The following CTIF variants were observed in gnomAD, a reference collection of about 807,000 sequenced individuals.
The protein encoded by CTIF is cap binding complex dependent translation initiation factor.
Under a neutral mutation model 66.0 loss-of-function variants are expected in CTIF, and 21 were observed. The observed-to-expected ratio is 0.32, with a 90% CI of 0.23 to 0.46. The LOEUF (loss-of-function observed/expected upper bound fraction) is 0.46. Among genes scored for constraint, CTIF ranks in the 20% least tolerant of loss-of-function variants. CTIF has a pLI of 1.00. For synonymous variants in CTIF, 345 were observed against 326.4 expected, an observed-to-expected ratio of 1.06 and a Z score of -0.62; for missense variants, 739 against 812.7, an observed-to-expected ratio of 0.91 and a Z score of 1.10.
chr18:48,623,474 C>G (rs1396686253), intron 2 of CTIF, among the ~76,000 whole-genome samples: 4 of 151,510 alleles, frequency 2.6e-5, no homozygotes, highest in Non-Finnish European at 5.9e-5. Context: ...ACATAAGATA[C>G]TTTTTAAAAA....
At position 48,852,733 on chromosome 18, in the gene CTIF, G is replaced by C. The variant is rs187397415; in HGVS notation, c.1528-4855G>C. Among the ~76,000 whole-genome samples, 42 of 152,338 alleles carry C rather than the reference G, an allele frequency of 2.8e-4. No individual in the cohort carries two copies. In the East Asian group the frequency reaches 5.8e-3, roughly 21 times the overall value. The stretch of plus-strand genomic sequence containing the variant: ...CTTTCAATCTTTTGCTCTAAAAATA[G>C]TATAGCAACTAGTGTACACGTGTTG... On this transcript the variant is annotated intron_variant, in intron 10 of 11. Coordinates refer to ENST00000256413, the MANE Select transcript of CTIF (RefSeq NM_014772.3).
chr18:48,542,201 T>A (rs1172839096), intron 1 of CTIF, among the ~76,000 whole-genome samples: 1 of 152,264 alleles, frequency 6.6e-6, no homozygotes, highest in Non-Finnish European at 1.5e-5. Flanking sequence ...TTTAATAATT[T>A]GCTGTTGGTG....
intron 1 of CTIF, among the ~76,000 whole-genome samples, chr18:48,558,745 AC>A (rs1391342458): frequency 6.6e-6 from 1 of 152,206 alleles, no homozygotes. Flanking sequence ...CTCAGCTGGC[AC>A]CTGAAAAACA....
At chr18:48,840,731 G>T (rs1267337572) in intron 10 of CTIF, among the ~76,000 whole-genome samples, 1 of 152,066 alleles carries the variant, frequency 6.6e-6, no homozygotes, top group Non-Finnish European at 1.5e-5. Flanking sequence ...GAGCTTAATT[G>T]TCTCCGGCCC....
chr18:48,559,028 T>C (rs1459308116), intron 1 of CTIF, among the ~76,000 whole-genome samples: 1 of 152,248 alleles, frequency 6.6e-6, no homozygotes, highest in Non-Finnish European at 1.5e-5. Flanking sequence ...TCAGCATTTT[T>C]AGACTAGAAT....
At chr18:48,636,450 G>T (rs756843513) in intron 2 of CTIF, among the ~76,000 whole-genome samples, 164 bp from the exon 3 acceptor site, 9 of 152,232 alleles carry the variant, frequency 5.9e-5, no homozygotes, top group Non-Finnish European at 8.8e-5. Context: ...GCTTGATGAT[G>T]CCAAATTGGG....
chr18:48,642,509 A>G (rs1349194525), intron 3 of CTIF, among the ~76,000 whole-genome samples: 1 of 152,212 alleles, frequency 6.6e-6, no homozygotes, highest in Non-Finnish European at 1.5e-5. Context: ...GCACAGCTAG[A>G]GGAGGATCAT....
chr18:48,764,918 G>T (rs1909375361), intron 9 of CTIF, among the ~76,000 whole-genome samples: 1 of 152,160 alleles, frequency 6.6e-6, no homozygotes, highest in African/African-American at 2.4e-5. Context: ...TGCTGGTGCG[G>T]GGCTGCCCTG....
chr18:48,587,125 A>C (rs1279683929), intron 1 of CTIF, among the ~76,000 whole-genome samples: 1 of 145,876 alleles, frequency 6.9e-6, no homozygotes, highest in Non-Finnish European at 1.5e-5. Flanking sequence ...TCTGTTGCTC[A>C]GACTGGAATG....
chr18:48,667,364 T>C (rs1036111500), intron 5 of CTIF, among the ~76,000 whole-genome samples: 49 of 152,186 alleles, frequency 3.2e-4, no homozygotes, highest in African/African-American at 1.1e-3. Context: ...GAGAGCACTT[T>C]ACAGGTTGAA....
At chr18:48,646,901 CAAAA>C (rs35904615) in intron 3 of CTIF, among the ~76,000 whole-genome samples, 1,604 of 78,004 alleles carry the variant, frequency 0.021, 8 homozygotes, top group Middle Eastern at 0.062. Context: ...TTGGCAGTTT[CAAAA>C]AAAAAAAAAA....
At chr18:48,543,650 G>A (rs2088678320) in intron 1 of CTIF, among the ~76,000 whole-genome samples, 1 of 152,282 alleles carries the variant, frequency 6.6e-6, no homozygotes, top group East Asian at 1.9e-4. Flanking sequence ...AAGATGATCT[G>A]ATCTTCACGT....
chr18:48,582,905 T>C (rs1483506711), intron 1 of CTIF, among the ~76,000 whole-genome samples: 1 of 152,176 alleles, frequency 6.6e-6, no homozygotes, highest in East Asian at 1.9e-4. Context: ...CCAGACTCCA[T>C]GCTCCTGGGC....
intron 1 of CTIF, among the ~76,000 whole-genome samples, chr18:48,614,888 T>C (rs983375477): frequency 1.3e-5 from 2 of 151,106 alleles, no homozygotes; most frequent in Non-Finnish European, 3.0e-5. Context: ...TTTTTTGTTG[T>C]TGTTGTTTTG....
intron 10 of CTIF, among the ~76,000 whole-genome samples, chr18:48,838,740 G>A (rs1003544142): frequency 6.6e-6 from 1 of 152,216 alleles, no homozygotes; most frequent in Admixed American, 6.5e-5. Context: ...TTAACCAGAA[G>A]CATATGGAGA....
At chr18:48,777,651 C>T (rs1175146999) in intron 9 of CTIF, among the ~76,000 whole-genome samples, 4 of 152,196 alleles carry the variant, frequency 2.6e-5, no homozygotes, top group East Asian at 1.9e-4. Context: ...CCCTTAGGAA[C>T]GAATGAGTAT....
At chr18:48,574,727 C>T (rs1023209384) in intron 1 of CTIF, among the ~76,000 whole-genome samples, 14 of 152,156 alleles carry the variant, frequency 9.2e-5, no homozygotes, top group African/African-American at 3.4e-4. Context: ...CAGCCACACA[C>T]TGGGAAGTGT....
chr18:48,681,198 G>C (rs375275443), intron 6 of CTIF, among the ~76,000 whole-genome samples: 10 of 152,244 alleles, frequency 6.6e-5, no homozygotes, highest in Admixed American at 2.0e-4. Flanking sequence ...GTGAGCTGCT[G>C]CACAATCCCA....
intron 7 of CTIF, among the ~76,000 whole-genome samples, chr18:48,714,132 T>C (rs920340122): frequency 5.3e-5 from 8 of 152,222 alleles, no homozygotes; most frequent in African/African-American, 9.6e-5. Flanking sequence ...CAGAATATTA[T>C]CAGGTGACCC....
Sources: gnomAD v4.1 joint callset for allele counts (sites outside exome capture counted in the v4.1 genomes callset) on GRCh38, gnomAD v4.1.1 for gene constraint, MANE v1.5 for transcripts, NCBI Gene and HGNC (gene_info 2026-07-23, HGNC 2026-07-21) for gene names.